Variants in NYAP2 observed in about 807,000 individuals in gnomAD.
NYAP2 encodes neuronal tyrosine-phosphorylated phosphoinositide-3-kinase adapter 2.
Under a neutral mutation model 50.4 loss-of-function variants are expected in NYAP2, and 23 were observed. The observed-to-expected ratio is 0.46, with a 90% CI of 0.33 to 0.65. NYAP2 has a LOEUF of 0.65. NYAP2 is among the 30% of genes least tolerant of loss of function. NYAP2 has a pLI of 0.02. For missense variants in NYAP2, 885 were observed against 861.0 expected (o/e 1.03, Z -0.35); for synonymous variants, 394 against 365.2 (o/e 1.08, Z -0.90).
intron 3 of NYAP2, among the ~76,000 whole-genome samples, chr2:225,500,084 A>G (rs963455588): frequency 6.6e-6 from 1 of 152,234 alleles, no homozygotes; most frequent in Non-Finnish European, 1.5e-5. Context: ...AGGAAAAAAT[A>G]TAGTTAATGA....
intron 4 of NYAP2, among the ~76,000 whole-genome samples, chr2:225,533,288 C>T (rs1691289622): frequency 6.6e-6 from 1 of 152,132 alleles, no homozygotes; most frequent in South Asian, 2.1e-4. Context: ...TTCCAAGTAA[C>T]AAAAGTTCTA....
chr2:225,498,208 T>C (rs182159852), intron 3 of NYAP2, among the ~76,000 whole-genome samples: 1 of 152,142 alleles, frequency 6.6e-6, no homozygotes, highest in Non-Finnish European at 1.5e-5. Context: ...TCTTCACAAA[T>C]TGTATAATGT....
intron 3 of NYAP2, among the ~76,000 whole-genome samples, chr2:225,506,525 G>A (rs897426334): frequency 1.3e-5 from 2 of 152,150 alleles, no homozygotes; most frequent in Non-Finnish European, 2.9e-5. Context: ...CAGCCTAGCT[G>A]GTCCTGATAC....
intron 3 of NYAP2, among the ~76,000 whole-genome samples, chr2:225,488,701 A>C (rs1435579509): frequency 6.6e-6 from 1 of 152,152 alleles, no homozygotes; most frequent in East Asian, 1.9e-4. Flanking sequence ...ATGAGCCACC[A>C]CATCCAGCCT....
At chr2:225,630,729 A>G (rs1273870046) in intron 6 of NYAP2, among the ~76,000 whole-genome samples, 1 of 152,150 alleles carries the variant, frequency 6.6e-6, no homozygotes, top group Non-Finnish European at 1.5e-5. Flanking sequence ...GTAGTTATTT[A>G]CTATTTTTTA....
chr2:225,445,114 A>C (rs1689532183), intron 3 of NYAP2, among the ~76,000 whole-genome samples: 1 of 152,186 alleles, frequency 6.6e-6, no homozygotes, highest in Admixed American at 6.6e-5. Context: ...GTGGCGAAAC[A>C]TTAAAAACAT....
the NYAP2 span, among the ~76,000 whole-genome samples, chr2:225,677,582 C>T: frequency 6.6e-6 from 1 of 151,994 alleles, no homozygotes; most frequent in African/African-American, 2.4e-5. Flanking sequence ...GAAGTATGTT[C>T]CTGCAATGCT....
In NYAP2 at chr2:225,565,045, G is replaced by T. The variant is rs1574680850; in HGVS notation, c.524-16896G>T. Among the ~76,000 whole-genome samples the T allele has an allele frequency of 4.0e-5, 6 of 151,780 alleles. No homozygotes were observed. The South Asian group carries it at 1.2e-3, about 32-fold the overall frequency. Reference sequence around the variant, plus strand: ...CTTGGGAGGCTGAGGCAGGAGAATTGCTTGTACCTTGTGGGGCAGAGGTTG... The same window carrying T: ...CTTGGGAGGCTGAGGCAGGAGAATTTCTTGTACCTTGTGGGGCAGAGGTTG... On this transcript the variant is annotated intron_variant, in intron 4 of 6. Transcript: ENST00000636099.
At chr2:225,638,820 G>A (rs767735249) in intron 6 of NYAP2, among the ~76,000 whole-genome samples, 1 of 152,170 alleles carries the variant, frequency 6.6e-6, no homozygotes, top group East Asian at 1.9e-4. Context: ...TTTCTGCCCA[G>A]ATGAGAGCAG....
intron 5 of NYAP2, among the ~76,000 whole-genome samples, chr2:225,603,176 T>C (rs970004333): frequency 1.2e-4 from 19 of 152,174 alleles, no homozygotes; most frequent in African/African-American, 4.6e-4. Flanking sequence ...ATTTTATTCT[T>C]TTTCATGGTA....
intron 4 of NYAP2, among the ~76,000 whole-genome samples, chr2:225,564,719 C>T (rs1457216065): frequency 6.6e-6 from 1 of 151,816 alleles, no homozygotes. Flanking sequence ...TCTGCATGTC[C>T]TCATAATGAG....
intron 3 of NYAP2, among the ~76,000 whole-genome samples, chr2:225,465,599 C>T (rs919318702): frequency 6.6e-5 from 10 of 152,042 alleles, no homozygotes; most frequent in Non-Finnish European, 1.2e-4. Flanking sequence ...GCCTGTAATC[C>T]CAGCTACTCA....
chr2:225,481,175 A>T (rs148201088), intron 3 of NYAP2, among the ~76,000 whole-genome samples: 2 of 152,290 alleles, frequency 1.3e-5, no homozygotes, highest in East Asian at 3.9e-4. Context: ...TTTGTCAATT[A>T]AAAGTGTCAT....
intron 3 of NYAP2, among the ~76,000 whole-genome samples, chr2:225,510,779 T>TAGTG (rs1690796828): frequency 6.7e-6 from 1 of 148,390 alleles, no homozygotes; most frequent in Admixed American, 6.7e-5. Flanking sequence ...GTTAATGTGT[T>TAGTG]TGTGTGTGTG....
Position 225,456,624 on chromosome 2 carries a change from T to C in NYAP2, c.221+47523T>C, listed in dbSNP as rs553433002. Among the ~76,000 whole-genome samples the C allele has an allele frequency of 3.2e-4, 49 of 152,296 alleles. No homozygotes were observed. In the South Asian group the frequency reaches 9.5e-3, roughly 30 times the overall value. The stretch of plus-strand genomic sequence containing the variant: ...GATGCCTTATCCTCCTAGGGCCTGA[T>C]GGTTCAGTTACAACCACGTGTGCTG... On this transcript the variant is annotated intron_variant, in intron 3 of 6. Transcript: ENST00000636099.
At chr2:225,415,298 A>T (rs1695105344) in intron 3 of NYAP2, among the ~76,000 whole-genome samples, 2 of 152,224 alleles carry the variant, frequency 1.3e-5, no homozygotes, top group African/African-American at 2.4e-5. Flanking sequence ...ACTAAAGTCC[A>T]TCCTTTGGAC....
At chr2:225,486,285 G>T (rs539498928) in intron 3 of NYAP2, among the ~76,000 whole-genome samples, 2 of 152,166 alleles carry the variant, frequency 1.3e-5, no homozygotes, top group South Asian at 2.1e-4. Flanking sequence ...AACCAAGAGG[G>T]TATTCAGCAC....
rs530882133 is a variant in NYAP2 at position 225,431,959 on chromosome 2, G to GT, written c.221+22866dup. 2.2e-4 allele frequency among the ~76,000 whole-genome samples: 34 copies of GT among 151,430 alleles called. No homozygotes were observed. In the Middle Eastern group the frequency reaches 0.01, roughly 45 times the overall value. ...CCATATAATTTATAACAATGATAGG[G>GT]TTTTTTTTGTTGTTTGTTTGTTTGT... is the stretch of plus-strand genomic sequence containing the variant. On this transcript the variant is annotated intron_variant, in intron 3 of 6. Coordinates refer to ENST00000636099, the Ensembl canonical transcript of NYAP2.
chr2:225,699,641 C>T, the NYAP2 span: 3 of 151,828 alleles, frequency 2.0e-5, no homozygotes, highest in African/African-American at 7.3e-5. Flanking sequence ...GTTATCACCA[C>T]ATTTCTGGGT....
Sources: allele counts gnomAD v4.1 joint callset (sites outside exome capture counted in the v4.1 genomes callset), GRCh38; gene constraint gnomAD v4.1.1; transcripts MANE v1.5; gene names NCBI Gene and HGNC (gene_info 2026-07-23, HGNC 2026-07-21).